Variants in CDH18 observed in about 807,000 individuals in gnomAD.
CDH18 encodes cadherin 18.
CDH18 carries 31 observed loss-of-function variants against 67.9 expected under a neutral mutation model. The observed-to-expected ratio is 0.46, with a 90% CI of 0.34 to 0.62. The LOEUF (loss-of-function observed/expected upper bound fraction) is 0.62, where lower values mean the gene tolerates loss of function less well. CDH18 is among the 20% of genes least tolerant of loss of function. The pLI is 0.01. For missense variants in CDH18, 890 were observed against 975.5 expected, an observed-to-expected ratio of 0.91 and a Z score of 1.17; for synonymous variants, 362 against 347.2, an observed-to-expected ratio of 1.04 and a Z score of -0.48.
intron 1 of CDH18, among the ~76,000 whole-genome samples, chr5:20,438,236 TTATATA>T (rs143210484): frequency 6.8e-6 from 1 of 146,952 alleles, no homozygotes; most frequent in Non-Finnish European, 1.5e-5. Context: ...TGCCCCCAAA[TTATATA>T]TATATATATA....
intron 1 of CDH18, among the ~76,000 whole-genome samples, chr5:20,546,015 C>A (rs1261790003): frequency 6.6e-6 from 1 of 152,116 alleles, no homozygotes; most frequent in East Asian, 1.9e-4. Context: ...TTAGAAATTT[C>A]TTCCACTAGA....
chr5:19,771,823 G>A (rs900270097), intron 3 of CDH18, among the ~76,000 whole-genome samples: 2 of 152,110 alleles, frequency 1.3e-5, no homozygotes, highest in Admixed American at 1.3e-4. Flanking sequence ...AAATCAAATA[G>A]GCAGTTGTCA....
At chr5:19,900,686 G>A (rs1467416896) in intron 2 of CDH18, among the ~76,000 whole-genome samples, 1 of 152,030 alleles carries the variant, frequency 6.6e-6, no homozygotes, top group African/African-American at 2.4e-5. Context: ...ATTTTTAAAA[G>A]AATGAATGGA....
chr5:19,481,802 A>G (rs545434513), intron 12 of CDH18, among the ~76,000 whole-genome samples: 1 of 152,346 alleles, frequency 6.6e-6, no homozygotes, highest in Admixed American at 6.5e-5. Context: ...TCAGAAAAAC[A>G]GTCAATTATC....
chr5:19,571,628 C>A lies in CDH18; in HGVS notation c.1204G>T (p.Val402Phe). 1.2e-6 allele frequency: 2 copies of A among 1,613,892 alleles called. No individual in the cohort carries two copies. The highest frequency in any genetic ancestry group is 1.7e-6 in the Non-Finnish European group (2 of 1,179,880). Residue 402 changes from valine to phenylalanine, a missense_variant, in exon 8 of 13, where the codon GTT becomes TTT. By Grantham distance (50) the Val-to-Phe change is conservative (BLOSUM62 -1). Around this residue, in one of 2 missense-constraint regions of CDH18, gnomAD observed 656 missense variants for 668.1 expected, o/e 0.98. Transcript: ENST00000382275. ...GGATCTTGTGCCAAAACTGTACCAA[C>A]GACGGTCCCAATCTTGGCATTTTCG... ...VYENAKIGTV[V>F]GTVLAQDPDS...
chr5:20,468,809 G>A (rs1295796036), intron 1 of CDH18, among the ~76,000 whole-genome samples: 1 of 152,024 alleles, frequency 6.6e-6, no homozygotes, highest in African/African-American at 2.4e-5. Flanking sequence ...TGTTAAGTAG[G>A]GAACATATAA....
intron 1 of CDH18, among the ~76,000 whole-genome samples, chr5:20,396,666 T>C (rs1331810969): frequency 6.6e-6 from 1 of 152,180 alleles, no homozygotes; most frequent in Non-Finnish European, 1.5e-5. Flanking sequence ...ATTTATTTTA[T>C]GCATTTGTTA....
At chr5:20,191,432 C>T (rs1738530142) in intron 2 of CDH18, among the ~76,000 whole-genome samples, 1 of 151,958 alleles carries the variant, frequency 6.6e-6, no homozygotes, top group Non-Finnish European at 1.5e-5. Context: ...ATGTGCAGAA[C>T]ATGAATTTTT....
At chr5:19,606,919 A>C (rs1414384709) in intron 6 of CDH18, among the ~76,000 whole-genome samples, 1 of 151,768 alleles carries the variant, frequency 6.6e-6, no homozygotes, top group Non-Finnish European at 1.5e-5. Context: ...AGAATATCTT[A>C]ATAGAAGAAA....
intron 5 of CDH18, among the ~76,000 whole-genome samples, chr5:19,658,290 A>T (rs1011616443): frequency 4.6e-5 from 7 of 152,124 alleles, no homozygotes; most frequent in African/African-American, 1.7e-4. Flanking sequence ...AACACATAAA[A>T]ATTATTTTTA....
chr5:19,730,521 G>A (rs946328810), intron 4 of CDH18, among the ~76,000 whole-genome samples: 1 of 152,112 alleles, frequency 6.6e-6, no homozygotes, highest in Admixed American at 6.6e-5. Flanking sequence ...CTTTGGGGAT[G>A]GGACCCAAGT....
chr5:20,403,067 C>T (rs978342664), intron 1 of CDH18, among the ~76,000 whole-genome samples: 1 of 151,678 alleles, frequency 6.6e-6, no homozygotes, highest in Non-Finnish European at 1.5e-5. Flanking sequence ...CTTGTAATCC[C>T]AGCTACTTGG....
chr5:19,840,737 T>G (rs1175425083), intron 2 of CDH18, among the ~76,000 whole-genome samples: 2 of 151,980 alleles, frequency 1.3e-5, no homozygotes, highest in Non-Finnish European at 2.9e-5. Context: ...ATGACTGAAA[T>G]TATAAGCTTA....
Position 19,767,397 on chromosome 5 carries a change from G to T in CDH18, c.229-20161C>A, listed in dbSNP as rs1009076583. ...TTGAAGGGTAAAGGAAAAATTAGTA[G>T]AAAACGTCATGAAGGAAATAAGCAA... On this transcript the variant is annotated intron_variant, in intron 3 of 12. Transcript: ENST00000382275. Among the ~76,000 whole-genome samples the T allele has an allele frequency of 3.9e-5, 6 of 152,010 alleles. No homozygotes were observed. The South Asian group carries it at 1.2e-3, about 32-fold the overall frequency.
At chr5:20,141,201 T>C (rs1452725178) in intron 2 of CDH18, among the ~76,000 whole-genome samples, 1 of 152,188 alleles carries the variant, frequency 6.6e-6, no homozygotes, top group Non-Finnish European at 1.5e-5. Flanking sequence ...ACAAGTTGTT[T>C]CTTGAAAACA....
chr5:20,527,049 GT>G (rs1410517149), intron 1 of CDH18, among the ~76,000 whole-genome samples: 1 of 152,036 alleles, frequency 6.6e-6, no homozygotes, highest in Admixed American at 6.6e-5. Flanking sequence ...AAAATAACCA[GT>G]TTAGAGAGGA....
chr5:20,367,325 C>T (rs1742601953), intron 1 of CDH18, among the ~76,000 whole-genome samples: 1 of 151,988 alleles, frequency 6.6e-6, no homozygotes, highest in Non-Finnish European at 1.5e-5. Context: ...CACACCAGAC[C>T]CCATAATGCC....
At chr5:20,532,613 T>A (rs1286938039) in intron 1 of CDH18, among the ~76,000 whole-genome samples, 1 of 152,092 alleles carries the variant, frequency 6.6e-6, no homozygotes, top group Admixed American at 6.6e-5. Context: ...CAGAGTTTTT[T>A]AAGTTACTCA....
At chr5:19,505,389 T>C (rs1408181911) in intron 10 of CDH18, among the ~76,000 whole-genome samples, 2 of 152,196 alleles carry the variant, frequency 1.3e-5, no homozygotes, top group Admixed American at 6.6e-5. Context: ...CATCCCTGTC[T>C]TGTGCCAGTT....
Sources: allele counts gnomAD v4.1 joint callset (sites outside exome capture counted in the v4.1 genomes callset), GRCh38; gene constraint gnomAD v4.1.1; regional missense constraint gnomAD v4.1.1; transcripts MANE v1.5; gene names NCBI Gene and HGNC (gene_info 2026-07-23, HGNC 2026-07-21).